ZNF451: variants seen among roughly 807,000 people sequenced by gnomAD.
ZNF451 encodes the protein E3 SUMO-protein ligase ZNF451.
Under a neutral mutation model 107.1 loss-of-function variants are expected in ZNF451, and 80 were observed. That is an observed-to-expected ratio of 0.75 (90% CI 0.62 to 0.90). The LOEUF (loss-of-function observed/expected upper bound fraction) is 0.90. ZNF451 is among the 40% of genes least tolerant of loss of function. ZNF451 has a pLI of 0.00. For missense variants in ZNF451, 1,107 were observed against 1,236.2 expected (o/e 0.90, Z 1.57); for synonymous variants, 362 against 406.5 (o/e 0.89, Z 1.32).
Position 57,141,984 on chromosome 6 carries a change from C to G in ZNF451, c.893C>G (p.Ser298Cys), listed in dbSNP as rs1831787647. ...ATTGCACATCCAATATCTTTCCCAT[C>G]TTTTGCAAAGAAACTTTTGATCTCT... The part of the protein sequence containing the change: ...KGIAHPISFP[S>C]FAKKLLISLC... Residue 298 changes from serine (S) to cysteine (C), a missense_variant, in exon 9 of 15, where the codon TCT becomes TGT. Ser to Cys is a moderately radical substitution (Grantham distance 112). Coordinates refer to ENST00000370706, the MANE Select transcript of ZNF451 (RefSeq NM_001031623.3). 1 of 1,614,054 alleles carries G rather than the reference C, an allele frequency of 6.2e-7. No individual in the cohort carries two copies. Among genetic ancestry groups the G allele is most frequent in the South Asian group, 1.1e-5 (1 of 91,076 alleles).
At chr6:57,153,481 T>G (rs902073016) in intron 12 of ZNF451, among the ~76,000 whole-genome samples, 5 of 151,818 alleles carry the variant, frequency 3.3e-5, no homozygotes, top group African/African-American at 1.2e-4. Context: ...CGATCTTGGC[T>G]GCAACTTCTG....
intron 13 of ZNF451, among the ~76,000 whole-genome samples, chr6:57,156,610 A>C (rs1036284408): frequency 6.6e-6 from 1 of 152,088 alleles, no homozygotes; most frequent in Admixed American, 6.5e-5. Context: ...AACTTTCTAT[A>C]CCCTCCATCC....
chr6:57,110,147 C>T (rs1397047198), intron 3 of ZNF451, among the ~76,000 whole-genome samples: 4 of 152,112 alleles, frequency 2.6e-5, no homozygotes, highest in African/African-American at 9.7e-5. Context: ...AGGAGCCAGA[C>T]ATTCAGCTGG....
At chr6:57,124,641 G>A (rs901290856) in intron 3 of ZNF451, 93 bp from the exon 4 acceptor site, 1 of 910,530 alleles carries the variant, frequency 1.1e-6, no homozygotes, top group East Asian at 2.6e-5. Context: ...TCAAGTAAAT[G>A]GTTCTTTAGT....
At chr6:57,093,002 C>T (rs1173559781) in intron 2 of ZNF451, 1 of 152,284 alleles carries the variant, frequency 6.6e-6, no homozygotes, top group South Asian at 2.1e-4. Flanking sequence ...ATGTAAACAG[C>T]GCCTAAATCA....
chr6:57,096,705 A>C (rs1290073104), intron 2 of ZNF451, among the ~76,000 whole-genome samples: 1 of 148,146 alleles, frequency 6.8e-6, no homozygotes, highest in Non-Finnish European at 1.5e-5. Flanking sequence ...TAAGATGATT[A>C]TATCAATGGG....
intron 3 of ZNF451, chr6:57,105,903 A>G: frequency 1.0e-6 from 1 of 984,844 alleles, no homozygotes; most frequent in Non-Finnish European, 1.2e-6. Context: ...TTTTTTTTAA[A>G]CCGTGTGGCA....
At chr6:57,141,502 T>C in intron 8 of ZNF451, 47 bp downstream of exon 8, 3 of 1,522,850 alleles carry the variant, frequency 2.0e-6, no homozygotes, top group Non-Finnish European at 2.7e-6. Context: ...CTTGAATCTT[T>C]GCTGATTTAT....
At chr6:57,106,680 CTT>C (rs1446114953) in intron 3 of ZNF451, 2 of 972,038 alleles carry the variant, frequency 2.1e-6, no homozygotes, top group Non-Finnish European at 2.4e-6. Flanking sequence ...GTTCTCTTGT[CTT>C]TTGGAATCTA....
rs1298067899 is a variant in ZNF451, at chr6:57,170,083, A to G, written c.*1614A>G. 1 of 152,200 alleles carries G rather than the reference A, an allele frequency of 6.6e-6. No individual in the cohort carries two copies. Among genetic ancestry groups the G allele is most frequent in the Non-Finnish European group, 1.5e-5 (1 of 68,034 alleles). The allele number at this position is 152,200 out of a possible 1,614,324, so 9.4% of individuals were successfully genotyped here. A position where few individuals can be genotyped will look rare whatever the true frequency, so the allele number is the denominator to read the frequency against. On this transcript the variant is annotated 3_prime_UTR_variant, in exon 15 of 15. Coordinates refer to ENST00000370706, the MANE Select transcript of ZNF451 (RefSeq NM_001031623.3). ...TAATTAAGGCTTCTGATAAGACAGG[A>G]AAGGGATATTTCATCATGACTGTTA... is the stretch of plus-strand genomic sequence containing the variant.
intron 2 of ZNF451, among the ~76,000 whole-genome samples, chr6:57,098,645 T>C (rs1829440077): frequency 6.6e-6 from 1 of 152,236 alleles, no homozygotes; most frequent in Non-Finnish European, 1.5e-5. Context: ...AATTCAGGTT[T>C]GATGCTTGAC....
intron 3 of ZNF451, chr6:57,099,549 T>C (rs1829488813): frequency 1.4e-6 from 1 of 715,744 alleles, no homozygotes; most frequent in African/African-American, 1.7e-5. Context: ...AAAGGATATG[T>C]AGAGATCCTT....
At chr6:57,128,584 A>T in intron 4 of ZNF451, 145 bp from the exon 5 acceptor site, 1 of 607,872 alleles carries the variant, frequency 1.6e-6, no homozygotes, top group Non-Finnish European at 2.9e-6. Flanking sequence ...TTTTATTTTG[A>T]TGTATTTCTT....
chr6:57,135,343 T>G (rs1831378568), intron 7 of ZNF451, among the ~76,000 whole-genome samples: 1 of 152,196 alleles, frequency 6.6e-6, no homozygotes, highest in African/African-American at 2.4e-5. Context: ...TTCATGGATA[T>G]GCACATCCAT....
chr6:57,115,818 T>G (rs1414668447), intron 3 of ZNF451, among the ~76,000 whole-genome samples: 1 of 152,202 alleles, frequency 6.6e-6, no homozygotes, highest in African/African-American at 2.4e-5. Context: ...CATTGATAGC[T>G]TATTCACTGT....
intron 14 of ZNF451, among the ~76,000 whole-genome samples, chr6:57,166,290 A>G (rs1283211473): frequency 6.6e-6 from 1 of 152,214 alleles, no homozygotes; most frequent in African/African-American, 2.4e-5. Context: ...GGCCTTCCAA[A>G]GTACTCGGAT....
chr6:57,145,657 T>G (rs777344173), intron 9 of ZNF451, among the ~76,000 whole-genome samples: 8 of 152,166 alleles, frequency 5.3e-5, no homozygotes, highest in Non-Finnish European at 1.5e-5. Flanking sequence ...CTCAGTAGTA[T>G]TCCATGGTAT....
chr6:57,104,472 T>C, intron 3 of ZNF451: 1 of 985,408 alleles, frequency 1.0e-6, no homozygotes, highest in African/African-American at 1.7e-5. Context: ...ACTTGGTGGT[T>C]TTTGAAATAC....
chr6:57,131,556 C>T (rs1831179381), intron 5 of ZNF451, among the ~76,000 whole-genome samples: 1 of 152,066 alleles, frequency 6.6e-6, no homozygotes, highest in Non-Finnish European at 1.5e-5. Context: ...ATGATTAATT[C>T]CATGCTGTCC....
Sources: gnomAD v4.1 joint callset for allele counts (sites outside exome capture counted in the v4.1 genomes callset) on GRCh38, gnomAD v4.1.1 for gene constraint, MANE v1.5 for transcripts, NCBI Gene and HGNC (gene_info 2026-07-23, HGNC 2026-07-21) for gene names.